The following DCC variants were observed in gnomAD, a reference collection of about 807,000 sequenced individuals.
DCC encodes DCC netrin 1 receptor.
DCC carries 58 observed loss-of-function variants against 172.5 expected under a neutral mutation model. That is an observed-to-expected ratio of 0.34 (90% CI 0.27 to 0.42). DCC has a LOEUF of 0.42. DCC is among the 10% of genes least tolerant of loss of function. The pLI is 1.00. For synonymous variants in DCC, 709 were observed against 644.5 expected, an observed-to-expected ratio of 1.10 and a Z score of -1.52; for missense variants, 1,740 against 1,791.0, an observed-to-expected ratio of 0.97 and a Z score of 0.51.
chr18:52,912,375 A>T (rs1943095), intron 3 of DCC, among the ~76,000 whole-genome samples: 136,474 of 151,988 alleles, frequency 0.9, 61,713 homozygotes, highest in Middle Eastern at 0.97. Flanking sequence ...ATGTCAAGAT[A>T]ATTTCTCTGG....
At chr18:53,252,315 A>G (rs564069837) in intron 12 of DCC, among the ~76,000 whole-genome samples, 1 of 151,926 alleles carries the variant, frequency 6.6e-6, no homozygotes. Context: ...GAAATAAAGT[A>G]TTACACCACA....
intron 14 of DCC, among the ~76,000 whole-genome samples, chr18:53,331,506 C>T (rs919929129): frequency 1.3e-5 from 2 of 152,122 alleles, no homozygotes; most frequent in Admixed American, 6.5e-5. Context: ...AGAACAATCC[C>T]CAGATATTGA....
At chr18:52,526,955 A>C (rs1027258188) in intron 1 of DCC, among the ~76,000 whole-genome samples, 3 of 152,200 alleles carry the variant, frequency 2.0e-5, no homozygotes, top group African/African-American at 7.2e-5. Context: ...TACAATCTAC[A>C]GGTGGTGTTT....
chr18:52,745,279 C>T (rs1307927783), intron 1 of DCC, among the ~76,000 whole-genome samples: 2 of 152,206 alleles, frequency 1.3e-5, no homozygotes, highest in Non-Finnish European at 2.9e-5. Flanking sequence ...ACAAATTCCT[C>T]AAATATGAAA....
At chr18:53,450,723 A>G (rs2045400613) in intron 23 of DCC, 61 bp downstream of exon 23, 2 of 1,341,084 alleles carry the variant, frequency 1.5e-6, no homozygotes, top group Non-Finnish European at 2.1e-6. Context: ...TATATTTTTG[A>G]TGGTCCTCTT....
At chr18:53,065,960 T>C in intron 6 of DCC, 86 bp from the exon 7 acceptor site, 2 of 1,519,144 alleles carry the variant, frequency 1.3e-6, no homozygotes, top group Admixed American at 1.7e-5. Flanking sequence ...TGCTGTTTTA[T>C]CAAACTTTGG....
intron 2 of DCC, among the ~76,000 whole-genome samples, chr18:52,783,827 T>G (rs2037601860): frequency 2.0e-5 from 3 of 152,028 alleles, no homozygotes; most frequent in African/African-American, 7.2e-5. Flanking sequence ...GCATAATGAT[T>G]GTGCATATTT....
intron 7 of DCC, among the ~76,000 whole-genome samples, chr18:53,117,403 C>G (rs1320875120): frequency 6.6e-6 from 1 of 151,680 alleles, no homozygotes; most frequent in East Asian, 1.9e-4. Context: ...GCTTCAGAAT[C>G]CAGACCAAAT....
Position 52,444,301 on chromosome 18 carries a change from T to C in DCC, c.91+103423T>C, listed in dbSNP as rs576994281. Among the ~76,000 whole-genome samples the C allele has an allele frequency of 4.0e-3, 606 of 152,178 alleles. 3 individuals are homozygous for C. Among genetic ancestry groups the C allele is most frequent in the Non-Finnish European group, 4.2e-3 (286 of 68,000 alleles). ...AAACATGACCTTGAAAATCCAGAAATCTAAATATGAATGAAAAAACTACTA... is the reference window on the plus strand; with the variant it reads ...AAACATGACCTTGAAAATCCAGAAACCTAAATATGAATGAAAAAACTACTA... On this transcript the variant is annotated intron_variant, in intron 1 of 28. Transcript: ENST00000442544.
At chr18:52,652,639 T>G (rs2144927154) in intron 1 of DCC, among the ~76,000 whole-genome samples, 1 of 152,124 alleles carries the variant, frequency 6.6e-6, no homozygotes, top group Non-Finnish European at 1.5e-5. Flanking sequence ...TATGGCTATC[T>G]TGTTCCTCTT....
intron 2 of DCC, among the ~76,000 whole-genome samples, chr18:52,786,865 G>A (rs1010989962): frequency 4.6e-5 from 7 of 152,092 alleles, no homozygotes; most frequent in African/African-American, 1.7e-4. Flanking sequence ...TTAAAGGGAA[G>A]CATATACTTC....
At chr18:53,157,680 T>C (rs773802833) in intron 8 of DCC, among the ~76,000 whole-genome samples, 168 bp downstream of exon 8, 1 of 152,166 alleles carries the variant, frequency 6.6e-6, no homozygotes, top group Non-Finnish European at 1.5e-5. Context: ...TAAAAAGCAG[T>C]GTTGTTGACA....
intron 7 of DCC, among the ~76,000 whole-genome samples, chr18:53,136,476 C>T (rs559743967): frequency 1.3e-5 from 2 of 152,134 alleles, no homozygotes; most frequent in South Asian, 2.1e-4. Flanking sequence ...AAAAATTAGC[C>T]TATCTACCTT....
At chr18:53,277,302 T>C (rs2056817052) in intron 12 of DCC, among the ~76,000 whole-genome samples, 1 of 152,092 alleles carries the variant, frequency 6.6e-6, no homozygotes, top group Non-Finnish European at 1.5e-5. Context: ...AAACCTCATC[T>C]CTACTAAAAA....
At chr18:53,017,101 G>T (rs1238692159) in intron 5 of DCC, among the ~76,000 whole-genome samples, 1 of 138,562 alleles carries the variant, frequency 7.2e-6, no homozygotes, top group Non-Finnish European at 1.5e-5. Context: ...TTTTTGAGAC[G>T]GAGTCTCACT....
intron 3 of DCC, among the ~76,000 whole-genome samples, chr18:52,912,529 T>C (rs2039984698): frequency 1.3e-5 from 2 of 152,084 alleles, no homozygotes; most frequent in Non-Finnish European, 2.9e-5. Context: ...AGTCAGAGTT[T>C]CCTGCATCTT....
At chr18:52,352,980 A>T (rs970851302) in intron 1 of DCC, among the ~76,000 whole-genome samples, 1 of 152,226 alleles carries the variant, frequency 6.6e-6, no homozygotes, top group Non-Finnish European at 1.5e-5. Context: ...TGAAAGCATC[A>T]GATAGGGAGG....
chr18:52,950,063 G>C (rs919589825), intron 5 of DCC, among the ~76,000 whole-genome samples: 4 of 152,172 alleles, frequency 2.6e-5, no homozygotes, highest in African/African-American at 9.7e-5. Flanking sequence ...GCTGTTTTCT[G>C]CCATTTAGAA....
At chr18:52,382,872 C>T (rs1238637866) in intron 1 of DCC, among the ~76,000 whole-genome samples, 1 of 152,062 alleles carries the variant, frequency 6.6e-6, no homozygotes, top group Non-Finnish European at 1.5e-5. Context: ...CTATCAGTCA[C>T]TTTTACTTCT....
Sources: allele counts gnomAD v4.1 joint callset (sites outside exome capture counted in the v4.1 genomes callset), GRCh38; gene constraint gnomAD v4.1.1; transcripts MANE v1.5; gene names NCBI Gene and HGNC (gene_info 2026-07-23, HGNC 2026-07-21).